Variants in ZNF594 observed in about 807,000 individuals in gnomAD.
The protein encoded by ZNF594 is zinc finger protein HZF18.
For synonymous variants in ZNF594, 336 were observed against 309.4 expected (o/e 1.09, Z -0.90); for missense variants, 1,037 against 964.6 (o/e 1.08, Z -0.99).
chr17:5,187,743 T>C (rs1384333733), intron 1 of ZNF594, among the ~76,000 whole-genome samples: 2 of 152,188 alleles, frequency 1.3e-5, no homozygotes, highest in African/African-American at 4.8e-5. Flanking sequence ...CAAATATATA[T>C]AAATACACAT....
chr17:5,183,523 C>G lies in ZNF594; in HGVS notation c.734G>C (p.Gly245Ala). 6.2e-7 allele frequency: 1 copy of G among 1,614,098 alleles called. No individual in the cohort carries two copies. The highest frequency in any genetic ancestry group is 8.5e-7 in the Non-Finnish European group (1 of 1,180,016). The stretch of plus-strand genomic sequence containing the variant: ...ATCTGTGCTTTGACTGAAAGCCTTC[C>G]CACATTTATTGCATAAATATGGCTT... ...RGKPYLCNKC[G>A]KAFSQSTDLI... Residue 245 changes from glycine to alanine, a missense_variant, in exon 2 of 2, where the codon GGG becomes GCG. Gly to Ala is a moderately conservative substitution (Grantham distance 60, BLOSUM62 0). Transcript: ENST00000575779.
downstream of ZNF594, among the ~76,000 whole-genome samples, chr17:5,177,064 C>T (rs1475053401): frequency 1.3e-5 from 2 of 151,728 alleles, no homozygotes; most frequent in African/African-American, 2.4e-5. Context: ...GGCGGGGTGG[C>T]GGGTGCCTGT....
At chr17:5,178,475 C>T (rs1325997029), downstream of ZNF594, among the ~76,000 whole-genome samples, 3 of 150,062 alleles carry the variant, frequency 2.0e-5, no homozygotes, top group African/African-American at 7.6e-5. Flanking sequence ...ATAAGGAATA[C>T]AGGATCACTG....
chr17:5,177,715 A>C (rs2074315685), downstream of ZNF594, among the ~76,000 whole-genome samples: 1 of 152,166 alleles, frequency 6.6e-6, no homozygotes. Context: ...ACGCACCTGT[A>C]ACTCCAGCTA....
chr17:5,184,152 A>G lies in ZNF594; in HGVS notation c.105T>C (p.Val35=), dbSNP rs781427252. Residue 35 remains valine, a synonymous_variant, in exon 2 of 2, where the codon GTT becomes GTC. Transcript: ENST00000575779. ...QRQITQECEL[V]ETSNSEDRLL... Reference sequence around the variant, plus strand: ...ATCTGTCCTCAGAATTACTGGTTTCAACTAACTCACATTCCTGGGTGATTT... The same window carrying G: ...ATCTGTCCTCAGAATTACTGGTTTCGACTAACTCACATTCCTGGGTGATTT... 9.3e-6 allele frequency: 15 copies of G among 1,614,166 alleles called. No individual in the cohort carries two copies. The South Asian group carries it at 1.3e-4, about 14-fold the overall frequency.
chr17:5,181,992 G>A lies in ZNF594; in HGVS notation c.2265C>T (p.His755=). 6.2e-7 allele frequency: 1 copy of A among 1,613,374 alleles called. No individual in the cohort carries two copies. Among genetic ancestry groups the A allele is most frequent in the Non-Finnish European group, 8.5e-7 (1 of 1,179,928 alleles). ...TACACCAATAAACTTTCTTTTCCTG[G>A]TGAGTTCTCTGCTCTTTTCTAAGCT... ...DEELRKEQRT[H]QEKKVYWCNQ... The change falls in exon 2 of 2, where the codon CAC becomes CAT. Residue 755 remains histidine (H), a synonymous_variant. Transcript: ENST00000575779.
In ZNF594 at chr17:5,182,856, T is replaced by C. The variant is rs1451305788; in HGVS notation, c.1401A>G (p.Lys467=). The C allele has an allele frequency of 1.9e-6, 3 of 1,614,064 alleles. 1 individual carries two copies. Among genetic ancestry groups the C allele is most frequent in the Non-Finnish European group, 2.5e-6 (3 of 1,180,006 alleles). ...CAAGGTGTGACCTCTGGCTAAAGGC[T>C]TTCCCACATTCACTACATTCATAGG... ...EKPYECSECG[K]AFSQRSHLVT... is the part of the protein sequence containing the mutation. The change falls in exon 2 of 2, where the codon AAA becomes AAG. Residue 467 remains lysine (K), a synonymous_variant. Coordinates refer to ENST00000575779, the MANE Select transcript of ZNF594 (RefSeq NM_032530.2).
chr17:5,191,050 C>G (rs1017772989), intron 1 of ZNF594, among the ~76,000 whole-genome samples: 40 of 152,256 alleles, frequency 2.6e-4, no homozygotes, highest in African/African-American at 9.4e-4. Context: ...AAAATTGCTT[C>G]AGCTAAAATC....
chr17:5,183,255 C>G lies in ZNF594; in HGVS notation c.1002G>C (p.Gly334=), dbSNP rs1228780233. ...TCTGATGTTTAAGAAAAGCTGTGCG[C>G]CCACTGAAGGTCTTCCCACATCTGT... ...ECHRCGKTFS[G]RTAFLKHQRL... Residue 334 remains glycine, a synonymous_variant, in exon 2 of 2, where the codon GGG becomes GGC. Transcript: ENST00000575779. 6.2e-7 allele frequency: 1 copy of G among 1,614,178 alleles called. No homozygotes were observed. Among genetic ancestry groups the G allele is most frequent in the Middle Eastern group, 1.6e-4 (1 of 6,062 alleles).
intron 1 of ZNF594, among the ~76,000 whole-genome samples, chr17:5,186,458 A>C (rs1354847558): frequency 1.3e-5 from 2 of 152,164 alleles, no homozygotes; most frequent in African/African-American, 4.8e-5. Context: ...ATTTTCTCCT[A>C]GGCCTCCAGG....
rs750601312 is a variant in ZNF594, at chr17:5,183,460, G to A, written c.797C>T (p.Pro266Leu). 2 of 1,613,968 alleles carry A rather than the reference G, an allele frequency of 1.2e-6. No individual in the cohort carries two copies. Among genetic ancestry groups the A allele is most frequent in the South Asian group, 1.1e-5 (1 of 91,080 alleles). The change falls in exon 2 of 2, where the codon CCC becomes CTC. Residue 266 changes from proline to leucine, a missense_variant. Physicochemically the swap from Pro to Leu is moderately conservative, Grantham distance 98. Coordinates refer to ENST00000575779, the MANE Select transcript of ZNF594 (RefSeq NM_032530.2). ...IHHRIHTGEK[P>L]YECYDCGQMF... ...CTGTCCACAGTCATAACATTCATAGGGTTTCTCTCCAGTGTGAATTCTGTG... is the reference window on the plus strand; with the variant it reads ...CTGTCCACAGTCATAACATTCATAGAGTTTCTCTCCAGTGTGAATTCTGTG...
intron 1 of ZNF594, among the ~76,000 whole-genome samples, chr17:5,190,781 C>T (rs2074417320): frequency 6.6e-6 from 1 of 152,124 alleles, no homozygotes; most frequent in Admixed American, 6.6e-5. Flanking sequence ...TCTCCACTGG[C>T]AGCCCCCTTT....
chr17:5,179,496 C>CA (rs2144232369), downstream of ZNF594: 1 of 155,202 alleles, frequency 6.4e-6, no homozygotes, highest in Admixed American at 6.6e-5. Flanking sequence ...TCAGCCCCAT[C>CA]TAATTACGGC....
chr17:5,185,037 C>T (rs2074377310), intron 1 of ZNF594, among the ~76,000 whole-genome samples: 1 of 152,228 alleles, frequency 6.6e-6, no homozygotes, highest in Non-Finnish European at 1.5e-5. Context: ...TCTCAGACCT[C>T]ACATTTTTCT....
Position 5,180,296 on chromosome 17 carries a change from C to T in ZNF594, c.*1537G>A, listed in dbSNP as rs936055391. On this transcript the variant is annotated 3_prime_UTR_variant, in exon 2 of 2. Coordinates refer to ENST00000575779, the MANE Select transcript of ZNF594 (RefSeq NM_032530.2). ...GGGCATAGTAACTCCTCATGATCAACTCGTGACCTCGTGATCTGCCCACCT... is the reference window on the plus strand; with the variant it reads ...GGGCATAGTAACTCCTCATGATCAATTCGTGACCTCGTGATCTGCCCACCT... 6.6e-5 allele frequency: 10 copies of T among 152,382 alleles called. No individual in the cohort carries two copies. Among genetic ancestry groups the T allele is most frequent in the African/African-American group, 2.2e-4 (9 of 41,548 alleles). The allele number at this position is 152,382 out of a possible 1,614,324, so 9.4% of individuals were successfully genotyped here. A position where few individuals can be genotyped will look rare whatever the true frequency, so the allele number is the denominator to read the frequency against.
the ZNF594 span, chr17:5,174,476 C>T: frequency 5.3e-6 from 1 of 190,374 alleles, no homozygotes; most frequent in Non-Finnish European, 1.1e-5. Context: ...TAAATGGCTA[C>T]CTAAATTGAA....
chr17:5,180,523 A>T lies in ZNF594; in HGVS notation c.*1310T>A, dbSNP rs1270619528. ...ATTTTAATAATGATAGACATCCCTT[A>T]AAACATTCTCAAGTAATTAGACCCC... On this transcript the variant is annotated 3_prime_UTR_variant, in exon 2 of 2. Coordinates refer to ENST00000575779, the MANE Select transcript of ZNF594 (RefSeq NM_032530.2). 1 of 156,296 alleles carries T rather than the reference A, an allele frequency of 6.4e-6. No individual in the cohort carries two copies. The highest frequency in any genetic ancestry group is 1.9e-4 in the East Asian group (1 of 5,256). The allele number at this position is 156,296 out of a possible 1,614,324, so 9.7% of individuals were successfully genotyped here. A position where few individuals can be genotyped will look rare whatever the true frequency, so the allele number is the denominator to read the frequency against.
downstream of ZNF594, among the ~76,000 whole-genome samples, chr17:5,176,465 GAACA>G (rs1443036095): frequency 4.0e-5 from 6 of 150,098 alleles, no homozygotes; most frequent in East Asian, 1.9e-4. Context: ...CTTGTTTAAG[GAACA>G]AACAAACAGA....
At chr17:5,190,439 T>G (rs1324576575) in intron 1 of ZNF594, among the ~76,000 whole-genome samples, 1 of 152,202 alleles carries the variant, frequency 6.6e-6, no homozygotes, top group Non-Finnish European at 1.5e-5. Context: ...GTGTCTACAC[T>G]CAAAGCTGGC....
Sources: gnomAD v4.1 joint callset for allele counts (sites outside exome capture counted in the v4.1 genomes callset) on GRCh38, gnomAD v4.1.1 for gene constraint, MANE v1.5 for transcripts, NCBI Gene and HGNC (gene_info 2026-07-23, HGNC 2026-07-21) for gene names.